XYLT1: variants seen among roughly 807,000 people sequenced by gnomAD.
XYLT1 encodes the protein beta-D-xylosyltransferase 1.
In XYLT1, 36 loss-of-function variants were observed where a neutral mutation model predicts 91.3. That is an observed-to-expected ratio of 0.39 (90% CI 0.30 to 0.52). XYLT1 has a LOEUF of 0.52. Ranked by LOEUF, XYLT1 falls within the 20% of genes least tolerant of loss-of-function variation. The probability of loss-of-function intolerance (pLI) is 0.68; values close to 1 mark genes in which losing one functional copy is unlikely to be tolerated. For missense variants in XYLT1, 1,242 were observed against 1,284.5 expected (o/e 0.97, Z 0.51); for synonymous variants, 588 against 532.0 (o/e 1.11, Z -1.45).
At chr16:17,230,716 A>G (rs2033144860) in intron 3 of XYLT1, among the ~76,000 whole-genome samples, 1 of 152,186 alleles carries the variant, frequency 6.6e-6, no homozygotes, top group Admixed American at 6.5e-5. Flanking sequence ...GCTCCGTGAT[A>G]GCCTTTTCTT....
At chr16:17,243,719 A>G (rs2033386252) in intron 3 of XYLT1, among the ~76,000 whole-genome samples, 1 of 152,084 alleles carries the variant, frequency 6.6e-6, no homozygotes, top group Non-Finnish European at 1.5e-5. Flanking sequence ...TCAGCAATCA[A>G]TGTGAGGTGT....
intron 1 of XYLT1, among the ~76,000 whole-genome samples, chr16:17,440,933 C>T (rs750994705): frequency 2.6e-5 from 4 of 152,018 alleles, no homozygotes; most frequent in Admixed American, 6.5e-5. Flanking sequence ...AGCATGGTAC[C>T]GACCCTCATC....
rs144845540 is a variant in XYLT1, at chr16:17,200,773, G to A, written c.914-119C>T. 2.5e-4 allele frequency: 284 copies of A among 1,150,190 alleles called. 1 individual carries two copies. In the African/African-American group the frequency reaches 3.9e-3, roughly 16 times the overall value. The allele number at this position is 1,150,190 out of a possible 1,614,324, so 71.2% of individuals were successfully genotyped here. On this transcript the variant is annotated intron_variant, in intron 3 of 11. Transcript: ENST00000261381. Reference sequence around the variant, plus strand: ...ATTTTAGGGGCACAGTCATCAAATTGGGCCTTAAAACATAATTCAATGCCA... The same window carrying A: ...ATTTTAGGGGCACAGTCATCAAATTAGGCCTTAAAACATAATTCAATGCCA...
intron 1 of XYLT1, among the ~76,000 whole-genome samples, chr16:17,433,496 A>G (rs1010772387): frequency 6.6e-6 from 1 of 152,208 alleles, no homozygotes; most frequent in African/African-American, 2.4e-5. Flanking sequence ...TGCAGTGGCC[A>G]TCTTCCCCCA....
intron 2 of XYLT1, among the ~76,000 whole-genome samples, chr16:17,321,263 G>A (rs1018442010): frequency 2.6e-4 from 38 of 147,060 alleles, no homozygotes; most frequent in African/African-American, 9.3e-4. Flanking sequence ...ACTGCCCACT[G>A]CACACTGCCC....
At chr16:17,133,592 A>AATAGTATAATGCC (rs1438577770) in intron 9 of XYLT1, among the ~76,000 whole-genome samples, 21 of 152,310 alleles carry the variant, frequency 1.4e-4, no homozygotes, top group Non-Finnish European at 1.5e-5. Context: ...AATGGGGGCT[A>AATAGTATAATGCC]ATAGTATAAT....
intron 3 of XYLT1, among the ~76,000 whole-genome samples, chr16:17,236,658 A>G (rs1337677781): frequency 2.6e-5 from 4 of 152,144 alleles, no homozygotes; most frequent in Non-Finnish European, 1.5e-5. Flanking sequence ...GTTTCTTCTG[A>G]GGGCTGAGAA....
At chr16:17,240,233 T>C (rs1024774802) in intron 3 of XYLT1, among the ~76,000 whole-genome samples, 12 of 152,320 alleles carry the variant, frequency 7.9e-5, no homozygotes, top group African/African-American at 2.9e-4. Flanking sequence ...AGCTACAGTC[T>C]GCTTTCTCTA....
chr16:17,372,637 C>A (rs551186428), intron 1 of XYLT1, among the ~76,000 whole-genome samples: 1 of 152,166 alleles, frequency 6.6e-6, no homozygotes, highest in African/African-American at 2.4e-5. Context: ...TTCAATTATC[C>A]GTTTCCATTC....
intron 2 of XYLT1, among the ~76,000 whole-genome samples, chr16:17,342,362 C>G (rs1293581224): frequency 6.6e-6 from 1 of 152,174 alleles, no homozygotes; most frequent in Non-Finnish European, 1.5e-5. Flanking sequence ...CTGGCCTTAC[C>G]TAGCCCACAG....
rs1168099662 is a variant in XYLT1 at position 17,134,577 on chromosome 16, G to C, written c.1923C>G (p.Ile641Met). ...WENVYDEPDG[I>M]HSLSDVTLTL... ...TGAGTGTCACGTCGCTCAGGCTGTGGATGCCGTCAGGCTCATCGTAGACAT... is the reference window on the plus strand; with the variant it reads ...TGAGTGTCACGTCGCTCAGGCTGTGCATGCCGTCAGGCTCATCGTAGACAT... Residue 641 changes from isoleucine to methionine, a missense_variant, in exon 9 of 12, where the codon ATC becomes ATG. Physicochemically the swap from Ile to Met is conservative, Grantham distance 10. Coordinates refer to ENST00000261381, the MANE Select transcript of XYLT1 (RefSeq NM_022166.4). 1.2e-6 allele frequency: 2 copies of C among 1,614,220 alleles called. No homozygotes were observed.
At chr16:17,284,493 C>T (rs933033099) in intron 2 of XYLT1, among the ~76,000 whole-genome samples, 4 of 152,162 alleles carry the variant, frequency 2.6e-5, no homozygotes, top group East Asian at 1.9e-4. Context: ...AGAGAGGCAG[C>T]GGATGGCATT....
intron 8 of XYLT1, among the ~76,000 whole-genome samples, chr16:17,135,583 TC>T (rs1394834219): frequency 6.9e-6 from 1 of 144,530 alleles, no homozygotes; most frequent in Admixed American, 6.8e-5. Context: ...AAAAAAAAAT[TC>T]CCAGGTGATT....
In XYLT1 at chr16:17,107,211, C is replaced by A. The variant is rs1369688419; in HGVS notation, c.*1484G>T. On this transcript the variant is annotated 3_prime_UTR_variant, in exon 12 of 12. Transcript: ENST00000261381. ...GCAACACATCTGGCTAGGATTAGGA[C>A]AAGTCACACAAAGCGAAGGGCAGCC... The A allele has an allele frequency of 6.6e-6, 1 of 152,162 alleles. No homozygotes were observed. Among genetic ancestry groups the A allele is most frequent in the African/African-American group, 2.4e-5 (1 of 41,440 alleles). The allele number at this position is 152,162 out of a possible 1,614,324, so 9.4% of individuals were successfully genotyped here.
At chr16:17,238,253 C>T (rs746840007) in intron 3 of XYLT1, among the ~76,000 whole-genome samples, 27 of 152,156 alleles carry the variant, frequency 1.8e-4, no homozygotes, top group Admixed American at 2.6e-4. Flanking sequence ...AATAGCAGGC[C>T]GGAATTTTCA....
intron 1 of XYLT1, among the ~76,000 whole-genome samples, chr16:17,375,339 A>C (rs2141878128): frequency 6.6e-6 from 1 of 152,202 alleles, no homozygotes; most frequent in South Asian, 2.1e-4. Context: ...TAACTCACCC[A>C]AAATCCCCCA....
intron 2 of XYLT1, among the ~76,000 whole-genome samples, chr16:17,326,009 G>A (rs1363450197): frequency 6.6e-6 from 1 of 152,052 alleles, no homozygotes; most frequent in Non-Finnish European, 1.5e-5. Context: ...CTTTACTGAG[G>A]TATAACTGAC....
At chr16:17,449,311 A>G (rs1483344347) in intron 1 of XYLT1, among the ~76,000 whole-genome samples, 1 of 152,234 alleles carries the variant, frequency 6.6e-6, no homozygotes, top group African/African-American at 2.4e-5. Flanking sequence ...TGTCTGCAGG[A>G]TCTCAGCAAT....
At chr16:17,438,010 C>T (rs565713334) in intron 1 of XYLT1, among the ~76,000 whole-genome samples, 5 of 151,980 alleles carry the variant, frequency 3.3e-5, no homozygotes, top group Admixed American at 6.5e-5. Context: ...ACATCAAATG[C>T]GAATGGAACA....
Sources: gnomAD v4.1 joint callset for allele counts (sites outside exome capture counted in the v4.1 genomes callset) on GRCh38, gnomAD v4.1.1 for gene constraint, MANE v1.5 for transcripts, NCBI Gene and HGNC (gene_info 2026-07-23, HGNC 2026-07-21) for gene names.